FGGY: variants seen among roughly 807,000 people sequenced by gnomAD.
FGGY encodes FGGY carbohydrate kinase domain containing.
Under a neutral mutation model 71.3 loss-of-function variants are expected in FGGY, and 72 were observed. The ratio of observed to expected loss-of-function variants is 1.01; its 90% CI spans 0.84 to 1.23. The LOEUF (loss-of-function observed/expected upper bound fraction) is 1.23. Among genes scored for constraint, FGGY ranks in the 50% most tolerant of loss-of-function variants. FGGY has a pLI of 0.00. For synonymous variants in FGGY, 251 were observed against 250.3 expected, an observed-to-expected ratio of 1.00 and a Z score of -0.02; for missense variants, 668 against 682.3, an observed-to-expected ratio of 0.98 and a Z score of 0.23.
chr1:59,466,621 G>A (rs892441657), intron 6 of FGGY, among the ~76,000 whole-genome samples: 1 of 152,048 alleles, frequency 6.6e-6, no homozygotes, highest in Non-Finnish European at 1.5e-5. Context: ...CAAAGGGCTA[G>A]TATCCAGAAT....
In FGGY at chr1:59,748,535, T is replaced by C. The variant is rs150745562; in HGVS notation, c.1513-9396T>C. Among the ~76,000 whole-genome samples the C allele has an allele frequency of 1.6e-4, 24 of 152,296 alleles. No homozygotes were observed. The East Asian group carries it at 2.1e-3, about 13-fold the overall frequency. Reference sequence around the variant, plus strand: ...TCAGCCAGCAGCAAGATGGCCAGTGTGTTCCCAGCATGGCCAGCCCAGTAA... The same window carrying C: ...TCAGCCAGCAGCAAGATGGCCAGTGCGTTCCCAGCATGGCCAGCCCAGTAA... On this transcript the variant is annotated intron_variant, in intron 14 of 15. Transcript: ENST00000303721.
chr1:59,520,648 CTAT>C (rs1166433717), intron 7 of FGGY, among the ~76,000 whole-genome samples: 2 of 152,074 alleles, frequency 1.3e-5, no homozygotes. Flanking sequence ...TATTTAATTA[CTAT>C]TATTAGTAAT....
At chr1:59,640,969 T>G (rs564708135) in intron 11 of FGGY, among the ~76,000 whole-genome samples, 16 of 150,644 alleles carry the variant, frequency 1.1e-4, no homozygotes, top group Non-Finnish European at 2.1e-4. Flanking sequence ...AAACAGGGAA[T>G]GGAAAGATAG....
chr1:59,468,029 G>A (rs1156633442), intron 6 of FGGY, among the ~76,000 whole-genome samples: 3 of 151,918 alleles, frequency 2.0e-5, no homozygotes, highest in South Asian at 2.1e-4. Context: ...TCAGCCTTCC[G>A]AGTAGCTGGG....
intron 8 of FGGY, among the ~76,000 whole-genome samples, chr1:59,559,875 A>G (rs1283311286): frequency 2.0e-5 from 3 of 152,220 alleles, no homozygotes; most frequent in Non-Finnish European, 4.4e-5. Flanking sequence ...ATTATTTTGA[A>G]TAAATAAATC....
At chr1:59,341,253 A>G (rs1274774417) in intron 3 of FGGY, among the ~76,000 whole-genome samples, 1 of 152,218 alleles carries the variant, frequency 6.6e-6, no homozygotes, top group African/African-American at 2.4e-5. Context: ...TGAGAGACTG[A>G]TACTTAAAAT....
At chr1:59,588,873 T>C (rs1343694819) in intron 8 of FGGY, among the ~76,000 whole-genome samples, 1 of 152,214 alleles carries the variant, frequency 6.6e-6, no homozygotes, top group African/African-American at 2.4e-5. Flanking sequence ...AGGAGGAAAC[T>C]GCATCAACTA....
chr1:59,705,398 C>G (rs982982925), intron 14 of FGGY, among the ~76,000 whole-genome samples: 1 of 152,092 alleles, frequency 6.6e-6, no homozygotes, highest in African/African-American at 2.4e-5. Context: ...CTTTTATGTG[C>G]CCAAGAGTTT....
At chr1:59,723,527 T>C (rs2097914166) in intron 14 of FGGY, among the ~76,000 whole-genome samples, 1 of 145,226 alleles carries the variant, frequency 6.9e-6, no homozygotes. Context: ...AGACAGTACT[T>C]ATATACAGTT....
At chr1:59,441,568 T>A (rs1015266709) in intron 5 of FGGY, among the ~76,000 whole-genome samples, 10 of 152,214 alleles carry the variant, frequency 6.6e-5, no homozygotes, top group African/African-American at 2.2e-4. Flanking sequence ...CAAGAGATGA[T>A]GATGATGTTG....
intron 14 of FGGY, among the ~76,000 whole-genome samples, chr1:59,693,528 G>A (rs994787531): frequency 6.6e-6 from 1 of 152,184 alleles, no homozygotes; most frequent in African/African-American, 2.4e-5. Context: ...GGTAATGGTA[G>A]TGGTGGTGGA....
chr1:59,676,051 C>T (rs1004213128), intron 14 of FGGY, among the ~76,000 whole-genome samples: 5 of 152,118 alleles, frequency 3.3e-5, no homozygotes, highest in African/African-American at 1.2e-4. Flanking sequence ...GAGACCCTGA[C>T]ATTGCTGGCA....
intron 14 of FGGY, among the ~76,000 whole-genome samples, chr1:59,757,559 G>A (rs1244409894): frequency 6.6e-6 from 1 of 152,190 alleles, no homozygotes; most frequent in Non-Finnish European, 1.5e-5. Flanking sequence ...GTACTCAGCG[G>A]CTGGTTATGT....
At chr1:59,467,091 G>C (rs528067958) in intron 6 of FGGY, among the ~76,000 whole-genome samples, 14 of 152,146 alleles carry the variant, frequency 9.2e-5, no homozygotes, top group Non-Finnish European at 1.6e-4. Context: ...GCAAAGACTT[G>C]GAACCAAGTC....
Position 59,578,811 on chromosome 1 carries a change from C to T in FGGY, c.903+24584C>T, listed in dbSNP as rs575013264. ...ACACACAAGGCTGGGGTTGTCCTCT[C>T]GTCCCTCTCCTACATCAGCAAATCT... On this transcript the variant is annotated intron_variant, in intron 8 of 15. Transcript: ENST00000303721. Among the ~76,000 whole-genome samples the T allele has an allele frequency of 6.6e-5, 10 of 152,204 alleles. No homozygotes were observed. The South Asian group carries it at 1.2e-3, about 19-fold the overall frequency.
At chr1:59,376,253 C>T (rs765289500) in intron 4 of FGGY, among the ~76,000 whole-genome samples, 2 of 152,086 alleles carry the variant, frequency 1.3e-5, no homozygotes, top group Non-Finnish European at 2.9e-5. Flanking sequence ...TTAGAATGGG[C>T]GTTCAAAGAG....
intron 4 of FGGY, among the ~76,000 whole-genome samples, chr1:59,374,920 AG>A (rs1240638689): frequency 9.1e-4 from 9 of 9,878 alleles, no homozygotes; most frequent in Admixed American, 1.5e-3. Flanking sequence ...GGGTGGGGGG[AG>A]GGGGGAGGGG....
chr1:59,475,638 T>TTC (rs1177350079), intron 6 of FGGY, among the ~76,000 whole-genome samples: 3 of 152,248 alleles, frequency 2.0e-5, no homozygotes, highest in African/African-American at 7.2e-5. Context: ...TTCTTAATGC[T>TTC]TCTCTTCTTC....
At chr1:59,514,926 G>A (rs2094604904) in intron 7 of FGGY, among the ~76,000 whole-genome samples, 2 of 152,336 alleles carry the variant, frequency 1.3e-5, no homozygotes, top group East Asian at 3.9e-4. Flanking sequence ...GTAGAGTGGG[G>A]CATTGCTGAA....
Sources: allele counts gnomAD v4.1 joint callset (sites outside exome capture counted in the v4.1 genomes callset), GRCh38; gene constraint gnomAD v4.1.1; transcripts MANE v1.5; gene names NCBI Gene and HGNC (gene_info 2026-07-23, HGNC 2026-07-21).